Variants in MDN1 observed in about 807,000 individuals in gnomAD.
The protein encoded by MDN1 is midasin.
Under a neutral mutation model 669.2 loss-of-function variants are expected in MDN1, and 266 were observed. The observed-to-expected ratio is 0.40, with a 90% confidence interval of 0.36 to 0.44. MDN1 has a LOEUF of 0.44. Ranked by LOEUF, MDN1 falls within the 20% of genes least tolerant of loss-of-function variation. The probability of loss-of-function intolerance (pLI) is 1.00; values close to 1 mark genes in which losing one functional copy is unlikely to be tolerated. For missense variants in MDN1, 5,940 were observed against 6,754.0 expected, an observed-to-expected ratio of 0.88 and a Z score of 4.22; for synonymous variants, 2,385 against 2,457.1, an observed-to-expected ratio of 0.97 and a Z score of 0.87.
intron 44 of MDN1, 33 bp downstream of exon 44, chr6:89,716,617 A>T (rs1456597629): frequency 1.3e-6 from 2 of 1,572,722 alleles, no homozygotes; most frequent in Admixed American, 2.0e-5. Flanking sequence ...CCAAATTTCA[A>T]GTTGGACCAC....
In MDN1 at chr6:89,734,958, T is replaced by A. The variant is rs1442147008; in HGVS notation, c.4724-2183A>T. Among the ~76,000 whole-genome samples, 84 of 150,466 alleles carry A rather than the reference T, an allele frequency of 5.6e-4. 2 individuals are homozygous for A. The highest frequency in any genetic ancestry group is 1.2e-4 in the Non-Finnish European group (8 of 67,370). On this transcript the variant is annotated intron_variant, in intron 33 of 101. Transcript: ENST00000369393. ...CAGGCTGGAGTGAAGTGGTGTGATC[T>A]TGGCTCACGGCAACCTCCACCTCTC...
Position 89,730,054 on chromosome 6 carries a change from ACT to A in MDN1, c.5140+670_5140+671del, listed in dbSNP as rs1299628566. On this transcript the variant is annotated intron_variant, in intron 35 of 101. Transcript: ENST00000369393. ...AGGGCGGAGGGACAAGAAACAGATG[ACT>A]CTGCTACAGAAACAACATCCTGAAA... Among the ~76,000 whole-genome samples, 9 of 152,202 alleles carry A rather than the reference ACT, an allele frequency of 5.9e-5. No homozygotes were observed. In the East Asian group the frequency reaches 1.4e-3, roughly 23 times the overall value.
chr6:89,657,839 A>G (rs1016549061), intron 90 of MDN1, among the ~76,000 whole-genome samples: 1 of 152,224 alleles, frequency 6.6e-6, no homozygotes, highest in African/African-American at 2.4e-5. Context: ...TTCCATGTTT[A>G]GATTCACAAA....
At chr6:89,689,145 AAC>A (rs1191731711) in intron 65 of MDN1, among the ~76,000 whole-genome samples, 1 of 152,204 alleles carries the variant, frequency 6.6e-6, no homozygotes, top group Non-Finnish European at 1.5e-5. Flanking sequence ...CAGCCTGAGA[AAC>A]AGAGCATCAG....
intron 7 of MDN1, among the ~76,000 whole-genome samples, chr6:89,789,310 A>AT (rs1401426340): frequency 2.6e-5 from 4 of 152,162 alleles, no homozygotes; most frequent in African/African-American, 9.7e-5. Context: ...CAAATCCAGC[A>AT]TATTTTTCTT....
intron 34 of MDN1, among the ~76,000 whole-genome samples, chr6:89,732,083 T>C (rs1815640278): frequency 1.3e-5 from 2 of 151,906 alleles, no homozygotes; most frequent in South Asian, 4.2e-4. Flanking sequence ...AAAACTTGCA[T>C]CAAAAATAAA....
intron 27 of MDN1, 89 bp from the exon 28 acceptor site, chr6:89,745,715 ACT>A: frequency 7.9e-7 from 1 of 1,271,104 alleles, no homozygotes; most frequent in Non-Finnish European, 1.1e-6. Flanking sequence ...AACAATAGAA[ACT>A]CTCATACGCG....
intron 61 of MDN1, among the ~76,000 whole-genome samples, chr6:89,694,558 T>G (rs1250206103): frequency 6.6e-6 from 1 of 152,228 alleles, no homozygotes; most frequent in Non-Finnish European, 1.5e-5. Flanking sequence ...CTTGACTCTT[T>G]TTTAAGACAA....
chr6:89,787,587 C>A (rs1047690163), intron 8 of MDN1, among the ~76,000 whole-genome samples: 1 of 151,962 alleles, frequency 6.6e-6, no homozygotes, highest in Non-Finnish European at 1.5e-5. Flanking sequence ...CTAACAATAA[C>A]CTCACCTCTG....
At chr6:89,781,865 G>T (rs1181224248) in intron 9 of MDN1, among the ~76,000 whole-genome samples, 2 of 152,160 alleles carry the variant, frequency 1.3e-5, no homozygotes, top group Non-Finnish European at 2.9e-5. Context: ...TGTGCCTGTA[G>T]TCCCAGGTAC....
At chr6:89,801,635 G>A (rs1204197140) in intron 2 of MDN1, among the ~76,000 whole-genome samples, 1 of 150,022 alleles carries the variant, frequency 6.7e-6, no homozygotes, top group African/African-American at 2.5e-5. Flanking sequence ...AGGTGACAGA[G>A]TGAGACTCCG....
In MDN1 at chr6:89,644,114, A is replaced by T. The variant is rs1279310766; in HGVS notation, c.16682T>A (p.Phe5561Tyr). Residue 5561 changes from phenylalanine to tyrosine, a missense_variant, in exon 102 of 102, where the codon TTC becomes TAC. Phe to Tyr is a conservative substitution (Grantham distance 22). Around this residue, in one of 5 missense-constraint regions of MDN1, gnomAD observed 2,280 missense variants for 2,576.3 expected, o/e 0.88. Coordinates refer to ENST00000369393, the MANE Select transcript of MDN1 (RefSeq NM_014611.3). ...MPEIRSYMEEFPFPYYIILRD... is the reference protein window; with the variant it reads ...MPEIRSYMEEYPFPYYIILRD... ...AAGAATGATATAGTATGGGAATGGGAACTCTTCCATGTAGGATCGGATTTC... is the reference window on the plus strand; with the variant it reads ...AAGAATGATATAGTATGGGAATGGGTACTCTTCCATGTAGGATCGGATTTC... 6.2e-7 allele frequency: 1 copy of T among 1,613,998 alleles called. No homozygotes were observed. The highest frequency in any genetic ancestry group is 8.5e-7 in the Non-Finnish European group (1 of 1,179,916).
At chr6:89,797,680 T>C (rs562050673) in intron 2 of MDN1, 3 of 480,794 alleles carry the variant, frequency 6.2e-6, no homozygotes, top group African/African-American at 6.0e-5. Flanking sequence ...TTTCAAAGTC[T>C]ACCAAAATCT....
chr6:89,725,551 T>C (rs564297890), intron 37 of MDN1, among the ~76,000 whole-genome samples, 155 bp from the exon 38 acceptor site: 1 of 152,266 alleles, frequency 6.6e-6, no homozygotes, highest in African/African-American at 2.4e-5. Flanking sequence ...GGCTGAGTTA[T>C]GGTTGGTTTG....
intron 89 of MDN1, 27 bp from the exon 90 acceptor site, chr6:89,658,397 T>A (rs779502980): frequency 6.2e-7 from 1 of 1,613,460 alleles, no homozygotes; most frequent in Non-Finnish European, 8.5e-7. Context: ...AAACACAGCA[T>A]TAAATGCTCT....
At chr6:89,700,404 T>C (rs553210031) in intron 56 of MDN1, 110 bp from the exon 57 acceptor site, 132 of 873,982 alleles carry the variant, frequency 1.5e-4, no homozygotes, top group Admixed American at 7.8e-4. Flanking sequence ...TAATCAGAGT[T>C]AAGCTCCTTA....
At position 89,683,277 on chromosome 6, in the gene MDN1, C is replaced by A. The variant is rs17293121; in HGVS notation, c.11957G>T (p.Arg3986Leu). The part of the protein sequence containing the change: ...KFEAVLSEPC[R>L]SSLVESDKEE... Reference sequence around the variant, plus strand: ...CTTGTCACTCTCCACCAGGGATGACCGGCAGGGTTCACTCAGGACTGCTTC... The same window carrying A: ...CTTGTCACTCTCCACCAGGGATGACAGGCAGGGTTCACTCAGGACTGCTTC... The change falls in exon 73 of 102, where the codon CGG (arginine) becomes CTG (leucine). Residue 3986 changes from arginine to leucine, a missense_variant. Arg to Leu is a moderately radical substitution (Grantham distance 102). Around this residue, in one of 5 missense-constraint regions of MDN1, gnomAD observed 2,280 missense variants for 2,576.3 expected, o/e 0.88. Coordinates refer to ENST00000369393, the MANE Select transcript of MDN1 (RefSeq NM_014611.3). 2.5e-5 allele frequency: 40 copies of A among 1,613,940 alleles called. No individual in the cohort carries two copies. The highest frequency in any genetic ancestry group is 3.3e-5 in the Non-Finnish European group (39 of 1,180,022).
At chr6:89,674,019 C>T in intron 79 of MDN1, 85 bp downstream of exon 79, 1 of 1,316,056 alleles carries the variant, frequency 7.6e-7, no homozygotes, top group South Asian at 1.3e-5. Flanking sequence ...TTTCTGTTCA[C>T]ACCCTTCCCT....
chr6:89,736,873 CAA>C (rs2128316211), intron 33 of MDN1, among the ~76,000 whole-genome samples: 1 of 152,300 alleles, frequency 6.6e-6, no homozygotes, highest in South Asian at 2.1e-4. Flanking sequence ...AAACAGCACA[CAA>C]GAGTCATGGG....
Sources: gnomAD v4.1 joint callset for allele counts (sites outside exome capture counted in the v4.1 genomes callset) on GRCh38, gnomAD v4.1.1 for gene constraint, gnomAD v4.1.1 regional missense constraint, MANE v1.5 for transcripts, NCBI Gene and HGNC (gene_info 2026-07-23, HGNC 2026-07-21) for gene names.